Variants in ZNF277 observed in about 807,000 individuals in gnomAD.
ZNF277 encodes the protein zinc finger protein 277.
ZNF277 carries 55 observed loss-of-function variants against 60.7 expected under a neutral mutation model. The observed-to-expected ratio is 0.91, with a 90% CI of 0.73 to 1.13. The LOEUF is 1.13. Among genes scored for constraint, ZNF277 ranks in the 50% most tolerant of loss-of-function variants. ZNF277 has a pLI of 0.00. For missense variants in ZNF277, 510 were observed against 523.0 expected (o/e 0.98, Z 0.24); for synonymous variants, 178 against 179.3 (o/e 0.99, Z 0.06).
chr7:112,225,437 G>A (rs112854063), intron 1 of ZNF277, among the ~76,000 whole-genome samples: 6 of 152,306 alleles, frequency 3.9e-5, no homozygotes, highest in Non-Finnish European at 8.8e-5. Flanking sequence ...CAAGGGATTT[G>A]CTGCAGAGAA....
At chr7:112,247,418 A>T (rs1196232353) in intron 1 of ZNF277, among the ~76,000 whole-genome samples, 3 of 152,190 alleles carry the variant, frequency 2.0e-5, no homozygotes, top group Non-Finnish European at 4.4e-5. Flanking sequence ...AGCAAATTGT[A>T]TTAGGAAGAT....
At chr7:112,257,295 G>GCTTATTCTCAC (rs2117018363) in intron 1 of ZNF277, among the ~76,000 whole-genome samples, 1 of 152,268 alleles carries the variant, frequency 6.6e-6, no homozygotes, top group African/African-American at 2.4e-5. Flanking sequence ...ACTGTGCTAG[G>GCTTATTCTCAC]TGGTAGAACC....
chr7:112,327,831 A>G lies in ZNF277; in HGVS notation c.668+4A>G. 6.3e-7 allele frequency: 1 copy of G among 1,586,854 alleles called. No individual in the cohort carries two copies. ...CATTACAGAAAAAGCTTGACAAGTAAGTACTGATTTATGAAACACTGCCTA... is the reference window on the plus strand; with the variant it reads ...CATTACAGAAAAAGCTTGACAAGTAGGTACTGATTTATGAAACACTGCCTA... On this transcript the variant is annotated splice_donor_region_variant and intron_variant, in intron 6 of 11. Transcript: ENST00000361822.
intron 5 of ZNF277, among the ~76,000 whole-genome samples, chr7:112,326,735 T>G (rs1793100626): frequency 2.0e-5 from 3 of 152,010 alleles, no homozygotes. Flanking sequence ...CTGAAAACAT[T>G]TTTTTGGGGG....
chr7:112,336,211 A>G (rs368772074), intron 8 of ZNF277, 40 bp downstream of exon 8: 10 of 1,542,798 alleles, frequency 6.5e-6, no homozygotes, highest in South Asian at 1.2e-5. Flanking sequence ...GCAGTGTTCC[A>G]AGAGTAAGAA....
intron 1 of ZNF277, among the ~76,000 whole-genome samples, chr7:112,281,068 G>C (rs1337476855): frequency 6.6e-6 from 1 of 152,180 alleles, no homozygotes; most frequent in East Asian, 1.9e-4. Context: ...GGACAGAATA[G>C]ACTGTCAGAT....
chr7:112,221,187 G>C (rs932028750), intron 1 of ZNF277, among the ~76,000 whole-genome samples: 2 of 152,160 alleles, frequency 1.3e-5, no homozygotes, highest in Non-Finnish European at 2.9e-5. Flanking sequence ...GCATGGCTAA[G>C]TGCCTGGGTT....
intron 10 of ZNF277, 152 bp downstream of exon 10, chr7:112,340,037 G>C (rs1793412940): frequency 4.2e-6 from 3 of 707,444 alleles, no homozygotes; most frequent in South Asian, 1.9e-5. Flanking sequence ...CTGTGAAGCA[G>C]TGATGCTCAA....
chr7:112,326,662 A>G (rs1275403161), intron 5 of ZNF277, among the ~76,000 whole-genome samples: 2 of 151,992 alleles, frequency 1.3e-5, no homozygotes, highest in Non-Finnish European at 2.9e-5. Context: ...AAAGTCAACA[A>G]ACATTTTTAT....
intron 1 of ZNF277, among the ~76,000 whole-genome samples, chr7:112,271,990 G>A (rs991821656): frequency 2.0e-5 from 3 of 151,990 alleles, no homozygotes; most frequent in Non-Finnish European, 4.4e-5. Context: ...ACAGTACATT[G>A]TTACACAGTA....
At chr7:112,213,160 G>T (rs1020489345) in intron 1 of ZNF277, among the ~76,000 whole-genome samples, 1 of 152,136 alleles carries the variant, frequency 6.6e-6, no homozygotes, top group Non-Finnish European at 1.5e-5. Context: ...AGATCTGATG[G>T]TTTTAAAAAG....
At chr7:112,231,345 G>C (rs1027645622) in intron 1 of ZNF277, among the ~76,000 whole-genome samples, 2 of 152,152 alleles carry the variant, frequency 1.3e-5, no homozygotes, top group Non-Finnish European at 2.9e-5. Flanking sequence ...GGGAAATGCT[G>C]GTTTGTCACT....
intron 1 of ZNF277, among the ~76,000 whole-genome samples, chr7:112,269,786 A>C (rs1563210352): frequency 1.3e-5 from 2 of 152,072 alleles, no homozygotes; most frequent in Non-Finnish European, 2.9e-5. Context: ...CTTCTTTATC[A>C]AGGGTTTATC....
intron 1 of ZNF277, among the ~76,000 whole-genome samples, chr7:112,208,674 A>ATTTTTTTTTTTTTTTTTTTTTT (rs869082099): frequency 6.9e-5 from 5 of 72,808 alleles, no homozygotes; most frequent in Non-Finnish European, 9.1e-5. Flanking sequence ...GTATGATTTG[A>ATTTTTTTTTTTTTTTTTTTTTT]TTTTTTTTTT....
intron 2 of ZNF277, among the ~76,000 whole-genome samples, chr7:112,291,056 A>G (rs1420124619): frequency 1.3e-5 from 2 of 152,316 alleles, no homozygotes; most frequent in Admixed American, 6.5e-5. Flanking sequence ...TTTTTATGAA[A>G]CAAAATAACA....
At chr7:112,214,376 C>T (rs1473185902) in intron 1 of ZNF277, among the ~76,000 whole-genome samples, 2 of 152,172 alleles carry the variant, frequency 1.3e-5, no homozygotes, top group African/African-American at 4.8e-5. Flanking sequence ...TCAGTTTTGA[C>T]TTATTTGATA....
chr7:112,234,369 G>A (rs1822429020), intron 1 of ZNF277, among the ~76,000 whole-genome samples: 1 of 152,168 alleles, frequency 6.6e-6, no homozygotes, highest in South Asian at 2.1e-4. Context: ...CAAATTTGAT[G>A]TCTGATGAGG....
chr7:112,295,718 T>A (rs1792309034), intron 2 of ZNF277, 151 bp from the exon 3 acceptor site: 1 of 576,850 alleles, frequency 1.7e-6, no homozygotes, highest in Middle Eastern at 4.6e-4. Flanking sequence ...CCACTGCCTT[T>A]GTATTCACAA....
intron 5 of ZNF277, among the ~76,000 whole-genome samples, chr7:112,326,887 G>A (rs1793104487): frequency 1.3e-5 from 2 of 152,134 alleles, no homozygotes; most frequent in Non-Finnish European, 2.9e-5. Flanking sequence ...TAAAAGCTCT[G>A]TAGAATATAC....
Sources: allele counts gnomAD v4.1 joint callset (sites outside exome capture counted in the v4.1 genomes callset), GRCh38; gene constraint gnomAD v4.1.1; transcripts MANE v1.5; gene names NCBI Gene and HGNC (gene_info 2026-07-23, HGNC 2026-07-21).